Variants in NRXN3 observed in about 807,000 individuals in gnomAD.
NRXN3 encodes neurexin III.
Under a neutral mutation model 137.6 loss-of-function variants are expected in NRXN3, and 32 were observed. That is an observed-to-expected ratio of 0.23 (90% CI 0.18 to 0.31). The LOEUF (loss-of-function observed/expected upper bound fraction) is 0.31. Ranked by LOEUF, NRXN3 falls within the 10% of genes least tolerant of loss-of-function variation. NRXN3 has a pLI of 1.00. For missense variants in NRXN3, 1,574 were observed against 2,062.5 expected (o/e 0.76, Z 4.59); for synonymous variants, 798 against 784.5 (o/e 1.02, Z -0.29).
chr14:79,160,818 G>A (rs973580896), intron 15 of NRXN3, among the ~76,000 whole-genome samples: 1 of 151,954 alleles, frequency 6.6e-6, no homozygotes, highest in Admixed American at 6.6e-5. Context: ...TCATAAGGAG[G>A]GAAGGCAGAA....
intron 16 of NRXN3, chr14:79,611,467 G>C (rs975673544): frequency 1.3e-5 from 2 of 152,416 alleles, no homozygotes; most frequent in Admixed American, 1.3e-4. Context: ...GGCATGGTTG[G>C]GGGGTGCCTG....
At chr14:79,243,495 C>T (rs541294446) in intron 15 of NRXN3, among the ~76,000 whole-genome samples, 4 of 152,186 alleles carry the variant, frequency 2.6e-5, no homozygotes, top group East Asian at 1.9e-4. Flanking sequence ...TAATCCTATG[C>T]GTAAAACAAT....
At chr14:78,444,366 C>T (rs1266479397) in intron 4 of NRXN3, among the ~76,000 whole-genome samples, 1 of 152,158 alleles carries the variant, frequency 6.6e-6, no homozygotes, top group Non-Finnish European at 1.5e-5. Flanking sequence ...TTTTCTGCTC[C>T]ATCATGCGGC....
chr14:78,697,135 A>G (rs192507735), intron 6 of NRXN3, among the ~76,000 whole-genome samples: 1 of 152,168 alleles, frequency 6.6e-6, no homozygotes, highest in African/African-American at 2.4e-5. Flanking sequence ...TAATCTCAGA[A>G]TACAAAATCC....
At position 79,252,204 on chromosome 14, in the gene NRXN3, T is replaced by C. The variant is rs111664492; in HGVS notation, c.3263-215017T>C. Reference sequence around the variant, plus strand: ...TTCCACCTCTTTCAAGGGTGGTGTATCTGAATGTCAAGGTGATTGGCATAA... The same window carrying C: ...TTCCACCTCTTTCAAGGGTGGTGTACCTGAATGTCAAGGTGATTGGCATAA... On this transcript the variant is annotated intron_variant, in intron 15 of 20. Coordinates refer to ENST00000335750, the MANE Select transcript of NRXN3 (RefSeq NM_001330195.2). Among the ~76,000 whole-genome samples the C allele has an allele frequency of 8.8e-3, 1,337 of 152,290 alleles. 21 individuals are homozygous for C. The highest frequency in any genetic ancestry group is 0.029 in the African/African-American group (1,223 of 41,540).
intron 4 of NRXN3, among the ~76,000 whole-genome samples, chr14:78,464,869 TTCC>T (rs1423285270): frequency 2.6e-5 from 4 of 152,246 alleles, no homozygotes; most frequent in African/African-American, 9.6e-5. Flanking sequence ...CCACTCATCA[TTCC>T]TCCTCCGAAT....
In NRXN3 at chr14:79,641,633, A is replaced by T. The variant is rs564973071; in HGVS notation, c.3445-22145A>T. On this transcript the variant is annotated intron_variant, in intron 16 of 20. Coordinates refer to ENST00000335750, the MANE Select transcript of NRXN3 (RefSeq NM_001330195.2). ...GATTAGGTTCAGATATGCTCCATGC[A>T]TGTTTTTTTCTGGGGCTCAAACTGA... Among the ~76,000 whole-genome samples the T allele has an allele frequency of 6.7e-5, 9 of 135,260 alleles. 1 individual carries two copies. The East Asian group carries it at 1.4e-3, about 21-fold the overall frequency. 88.7% of individuals were successfully genotyped at this position (135,260 alleles called of 152,430 possible).
intron 4 of NRXN3, among the ~76,000 whole-genome samples, chr14:78,547,469 A>G (rs1203901070): frequency 6.6e-6 from 1 of 152,128 alleles, no homozygotes; most frequent in African/African-American, 2.4e-5. Flanking sequence ...ATTTCCAGGC[A>G]TTCATACTTT....
intron 15 of NRXN3, among the ~76,000 whole-genome samples, chr14:79,228,472 C>G (rs367937425): frequency 1.2e-3 from 190 of 152,254 alleles, no homozygotes; most frequent in African/African-American, 4.5e-3. Context: ...CAATCAGATA[C>G]TTGACTAAGA....
Position 79,865,408 on chromosome 14 carries a change from A to G in NRXN3, c.*3444A>G, listed in dbSNP as rs912335460. ...TTGTTCTTCACTGTAATCTAGAAATATAGATTTAACTGAACAGCTGTCCTT... is the reference window on the plus strand; with the variant it reads ...TTGTTCTTCACTGTAATCTAGAAATGTAGATTTAACTGAACAGCTGTCCTT... On this transcript the variant is annotated 3_prime_UTR_variant, in exon 21 of 21. Coordinates refer to ENST00000335750, the MANE Select transcript of NRXN3 (RefSeq NM_001330195.2). The G allele has an allele frequency of 2.0e-5, 3 of 152,204 alleles. No individual in the cohort carries two copies. The highest frequency in any genetic ancestry group is 6.5e-5 in the Admixed American group (1 of 15,290). 9.4% of individuals were successfully genotyped at this position (152,204 alleles called of 1,614,324 possible).
intron 4 of NRXN3, among the ~76,000 whole-genome samples, chr14:78,558,749 T>C (rs1009188366): frequency 1.3e-5 from 2 of 152,214 alleles, no homozygotes; most frequent in Non-Finnish European, 2.9e-5. Flanking sequence ...GTGTGTGGAC[T>C]AAAGTAGAAG....
chr14:78,603,464 T>C (rs969923069), intron 4 of NRXN3, among the ~76,000 whole-genome samples: 1 of 152,128 alleles, frequency 6.6e-6, no homozygotes, highest in Non-Finnish European at 1.5e-5. Flanking sequence ...AGAGCAAGTG[T>C]AGAGTATTTT....
chr14:78,772,699 T>C (rs979921880), intron 8 of NRXN3, among the ~76,000 whole-genome samples: 2 of 152,188 alleles, frequency 1.3e-5, no homozygotes, highest in African/African-American at 4.8e-5. Flanking sequence ...GGGTGGGGCC[T>C]GGGATTCTGC....
chr14:79,115,307 A>G (rs1258729707), intron 15 of NRXN3, among the ~76,000 whole-genome samples: 1 of 147,068 alleles, frequency 6.8e-6, no homozygotes, highest in Non-Finnish European at 1.5e-5. Context: ...CCTGGGCAAG[A>G]AGAACGAAAC....
chr14:79,524,456 T>G (rs1441250687), intron 16 of NRXN3, among the ~76,000 whole-genome samples: 2 of 152,200 alleles, frequency 1.3e-5, no homozygotes, highest in African/African-American at 2.4e-5. Flanking sequence ...TGTTATATAC[T>G]TCACAGGTAC....
At chr14:78,731,392 G>A (rs1437607762) in intron 8 of NRXN3, among the ~76,000 whole-genome samples, 2 of 151,950 alleles carry the variant, frequency 1.3e-5, no homozygotes, top group Admixed American at 6.6e-5. Flanking sequence ...TATATTTACT[G>A]TAGAAAATTT....
At chr14:79,842,750 A>T (rs918059446) in intron 20 of NRXN3, among the ~76,000 whole-genome samples, 4 of 152,210 alleles carry the variant, frequency 2.6e-5, no homozygotes, top group African/African-American at 9.6e-5. Flanking sequence ...CCTTATGTCA[A>T]GAGTAGCCAT....
chr14:79,326,350 T>C (rs2090868509), intron 15 of NRXN3, among the ~76,000 whole-genome samples: 1 of 152,172 alleles, frequency 6.6e-6, no homozygotes, highest in African/African-American at 2.4e-5. Flanking sequence ...TATATGTGTA[T>C]ATATTGTTTA....
At chr14:78,412,672 C>T (rs771083482) in intron 4 of NRXN3, among the ~76,000 whole-genome samples, 16 of 152,168 alleles carry the variant, frequency 1.1e-4, no homozygotes, top group East Asian at 3.9e-4. Flanking sequence ...ACCCAGGTCA[C>T]GTGACTTCAG....
Sources: allele counts gnomAD v4.1 joint callset (sites outside exome capture counted in the v4.1 genomes callset), GRCh38; gene constraint gnomAD v4.1.1; transcripts MANE v1.5; gene names NCBI Gene and HGNC (gene_info 2026-07-23, HGNC 2026-07-21).